Variants in ZNF112 observed in about 807,000 individuals in gnomAD.
The protein encoded by ZNF112 is zinc finger protein 112 (Y14).
A neutral mutation model predicts 77.7 loss-of-function variants in ZNF112; 37 were observed. The observed-to-expected ratio is 0.48, with a 90% confidence interval of 0.37 to 0.63. The LOEUF (loss-of-function observed/expected upper bound fraction) is 0.63, where lower values mean the gene tolerates loss of function less well. Among genes scored for constraint, ZNF112 ranks in the 20% least tolerant of loss-of-function variants. ZNF112 has a pLI of 0.00. For missense variants in ZNF112, 950 were observed against 1,077.4 expected, an observed-to-expected ratio of 0.88 and a Z score of 1.66; for synonymous variants, 333 against 363.6, an observed-to-expected ratio of 0.92 and a Z score of 0.96.
chr19:44,354,183 G>A (rs76283697), intron 1 of ZNF112, among the ~76,000 whole-genome samples: 1 of 152,088 alleles, frequency 6.6e-6, no homozygotes, highest in Non-Finnish European at 1.5e-5. Context: ...CGTTTTAGTG[G>A]TTATGGTAGT....
intron 1 of ZNF112, among the ~76,000 whole-genome samples, chr19:44,345,939 T>C (rs1743981813): frequency 1.3e-5 from 2 of 152,182 alleles, no homozygotes; most frequent in African/African-American, 4.8e-5. Flanking sequence ...GCTGTCTCTG[T>C]CCAATATTGT....
chr19:44,363,655 TAA>T (rs1422318000), intron 1 of ZNF112, among the ~76,000 whole-genome samples: 1 of 152,228 alleles, frequency 6.6e-6, no homozygotes, highest in Non-Finnish European at 1.5e-5. Flanking sequence ...TGTATGAATA[TAA>T]GTCTTTGGAA....
At chr19:44,363,376 A>C (rs1365709021) in intron 1 of ZNF112, among the ~76,000 whole-genome samples, 2 of 152,192 alleles carry the variant, frequency 1.3e-5, no homozygotes, top group Admixed American at 6.5e-5. Flanking sequence ...TTAGCCATCT[A>C]TCTAGCTATC....
chr19:44,335,561 G>A (rs1333853226), intron 3 of ZNF112, among the ~76,000 whole-genome samples: 1 of 152,232 alleles, frequency 6.6e-6, no homozygotes. Flanking sequence ...GACTGGCACA[G>A]CATGGCCTCG....
chr19:44,357,193 G>C (rs572612590), upstream of ZNF112, among the ~76,000 whole-genome samples: 160 of 152,168 alleles, frequency 1.1e-3, 1 homozygote, highest in African/African-American at 3.7e-3. Flanking sequence ...CTTCCCCCTA[G>C]AGTTTGAATT....
chr19:44,329,270 T>C lies in ZNF112; in HGVS notation c.887A>G (p.His296Arg), dbSNP rs745447426. ...GKGCNYSSLL[H>R]IHQNIEREDD... ...TTCTCTCTCAATATTTTGATGAATA[T>C]GAAGAAGTGAACTATAATTACAGCC... The change falls in exon 4 of 4, where the codon CAT (histidine) becomes CGT (arginine). Residue 296 changes from histidine to arginine, a missense_variant. His to Arg is a conservative substitution (Grantham distance 29). Transcript: ENST00000354340. 1.2e-6 allele frequency: 2 copies of C among 1,613,956 alleles called. No individual in the cohort carries two copies. Among genetic ancestry groups the C allele is most frequent in the Non-Finnish European group, 1.7e-6 (2 of 1,180,000 alleles).
At chr19:44,336,303 A>G (rs1262882184) in intron 3 of ZNF112, among the ~76,000 whole-genome samples, 1 of 152,174 alleles carries the variant, frequency 6.6e-6, no homozygotes, top group Admixed American at 6.5e-5. Context: ...TGCATCTATT[A>G]CCCAATTCAT....
Position 44,327,269 on chromosome 19 carries a change from A to C in ZNF112, c.*164T>G. Reference sequence around the variant, plus strand: ...AATGACTGATGTTAAAGTTCTAACAAAATCCCTCGTGAAACCCCTCTCATT... The same window carrying C: ...AATGACTGATGTTAAAGTTCTAACACAATCCCTCGTGAAACCCCTCTCATT... On this transcript the variant is annotated 3_prime_UTR_variant, in exon 4 of 4. Transcript: ENST00000354340. 1.7e-6 allele frequency: 1 copy of C among 597,242 alleles called. No homozygotes were observed. Among genetic ancestry groups the C allele is most frequent in the East Asian group, 2.8e-5 (1 of 35,652 alleles). The allele number at this position is 597,242 out of a possible 1,614,324, so 37.0% of individuals were successfully genotyped here. A position where few individuals can be genotyped will look rare whatever the true frequency, so the allele number is the denominator to read the frequency against.
intron 3 of ZNF112, among the ~76,000 whole-genome samples, chr19:44,330,366 C>CTGG (rs1279921821): frequency 6.6e-6 from 1 of 152,208 alleles, no homozygotes; most frequent in Non-Finnish European, 1.5e-5. Flanking sequence ...TTCAGGATAT[C>CTGG]TGATGCCTCA....
intron 1 of ZNF112, among the ~76,000 whole-genome samples, chr19:44,343,976 G>A (rs1184488735): frequency 6.6e-6 from 1 of 152,108 alleles, no homozygotes; most frequent in Non-Finnish European, 1.5e-5. Context: ...TACTTTTGTT[G>A]CCACAGTATA....
At chr19:44,341,305 C>G (rs1008988994) in intron 1 of ZNF112, 5 of 417,336 alleles carry the variant, frequency 1.2e-5, no homozygotes, top group Non-Finnish European at 2.4e-5. Flanking sequence ...CTAATGCACA[C>G]TTAGTTTGAG....
chr19:44,337,134 G>T (rs1414737731), intron 2 of ZNF112, among the ~76,000 whole-genome samples: 1 of 150,170 alleles, frequency 6.7e-6, no homozygotes, highest in East Asian at 2.0e-4. Context: ...GCCTCCCAAA[G>T]TGCTGAGATT....
chr19:44,329,185 T>C lies in ZNF112; in HGVS notation c.972A>G (p.Pro324=). 4 of 1,613,924 alleles carry C rather than the reference T, an allele frequency of 2.5e-6. No homozygotes were observed. The highest frequency in any genetic ancestry group is 2.2e-5 in the East Asian group (1 of 44,870). The part of the protein sequence containing the change: ...SYQRVHTEEK[P]CKCGEYGENF... ...TCTCACCATATTCACCACATTTGCA[T>C]GGTTTCTCCTCTGTATGCACTCTCT... Residue 324 remains proline, a synonymous_variant, in exon 4 of 4, where the codon CCA becomes CCG. Transcript: ENST00000354340.
At chr19:44,363,695 A>G (rs1057029642) in intron 1 of ZNF112, among the ~76,000 whole-genome samples, 35 of 152,292 alleles carry the variant, frequency 2.3e-4, no homozygotes, top group African/African-American at 7.5e-4. Context: ...TTGTTTAAAT[A>G]TTTTTATGAA....
chr19:44,329,149 G>C lies in ZNF112; in HGVS notation c.1008C>G (p.His336Gln), dbSNP rs1190900180. 1 of 1,613,774 alleles carries C rather than the reference G, an allele frequency of 6.2e-7. No individual in the cohort carries two copies. Among genetic ancestry groups the C allele is most frequent in the Non-Finnish European group, 8.5e-7 (1 of 1,180,000 alleles). Residue 336 changes from histidine (H) to glutamine (Q), a missense_variant, in exon 4 of 4, where the codon CAC becomes CAG. Physicochemically the swap from His to Gln is conservative, Grantham distance 24. Around this residue, in one of 3 missense-constraint regions of ZNF112, gnomAD observed 560 missense variants for 557.3 expected, o/e 1.00. Coordinates refer to ENST00000354340, the MANE Select transcript of ZNF112 (RefSeq NM_013380.4). ...GTTCATAAGTGTTAAGAGGGGAACA[G>C]TGATTGAAGTTCTCACCATATTCAC... Reference protein sequence around the residue: ...KCGEYGENFNHCSPLNTYELI... With the variant: ...KCGEYGENFNQCSPLNTYELI...
intron 1 of ZNF112, among the ~76,000 whole-genome samples, chr19:44,366,088 G>A (rs1282552841): frequency 1.3e-5 from 2 of 152,268 alleles, no homozygotes; most frequent in East Asian, 1.9e-4. Flanking sequence ...GGTGGCTCTC[G>A]CTTGTAACCC....
intron 1 of ZNF112, among the ~76,000 whole-genome samples, chr19:44,340,986 C>T (rs760718797): frequency 3.3e-5 from 5 of 152,198 alleles, no homozygotes; most frequent in Non-Finnish European, 7.3e-5. Flanking sequence ...CTGGAGACTG[C>T]TGCAGTGATG....
chr19:44,342,040 C>A (rs1001379257), intron 1 of ZNF112, among the ~76,000 whole-genome samples: 1 of 152,152 alleles, frequency 6.6e-6, no homozygotes, highest in African/African-American at 2.4e-5. Context: ...CTCTACAGTT[C>A]CCCTCCAACA....
intron 1 of ZNF112, among the ~76,000 whole-genome samples, chr19:44,354,367 C>A (rs1309052816): frequency 6.6e-6 from 1 of 152,098 alleles, no homozygotes; most frequent in Non-Finnish European, 1.5e-5. Context: ...ACTGTAAAAA[C>A]ATTTTTTAAA....
Sources: gnomAD v4.1 joint callset for allele counts (sites outside exome capture counted in the v4.1 genomes callset) on GRCh38, gnomAD v4.1.1 for gene constraint, gnomAD v4.1.1 regional missense constraint, MANE v1.5 for transcripts, NCBI Gene and HGNC (gene_info 2026-07-23, HGNC 2026-07-21) for gene names.